PPFIBP2: variants seen among roughly 807,000 people sequenced by gnomAD.
PPFIBP2 encodes the protein PPFIB scaffold protein 2, also known as liprin-beta-2.
Under a neutral mutation model 118.3 loss-of-function variants are expected in PPFIBP2, and 118 were observed. That is an observed-to-expected ratio of 1.00 (90% CI 0.86 to 1.16). The LOEUF (loss-of-function observed/expected upper bound fraction) is 1.16, where lower values mean the gene tolerates loss of function less well. Among genes scored for constraint, PPFIBP2 ranks in the 50% most tolerant of loss-of-function variants. The pLI is 0.00. For missense variants in PPFIBP2, 1,195 were observed against 1,073.1 expected, an observed-to-expected ratio of 1.11 and a Z score of -1.59; for synonymous variants, 414 against 397.4, an observed-to-expected ratio of 1.04 and a Z score of -0.50.
chr11:7,596,644 A>G (rs766820422), intron 4 of PPFIBP2, among the ~76,000 whole-genome samples: 4 of 152,224 alleles, frequency 2.6e-5, no homozygotes, highest in Non-Finnish European at 5.9e-5. Context: ...CTGAGAAATA[A>G]TTCTGGATAA....
At chr11:7,562,929 TTATATATATATATATATATATATATA>T (rs60848890) in intron 2 of PPFIBP2, among the ~76,000 whole-genome samples, 7,600 of 86,538 alleles carry the variant, frequency 0.088, 429 homozygotes, top group African/African-American at 0.11. Flanking sequence ...AATTAAAGTT[TTATATATATATATATATATATATATA>T]TATATATATA....
chr11:7,577,312 T>C (rs1856489597), intron 3 of PPFIBP2: 1 of 273,468 alleles, frequency 3.7e-6, no homozygotes, highest in South Asian at 3.3e-5. Flanking sequence ...TGTGCGTGCA[T>C]GTATGTGCGT....
intron 7 of PPFIBP2, among the ~76,000 whole-genome samples, chr11:7,625,575 G>T (rs919927378): frequency 6.6e-6 from 1 of 152,324 alleles, no homozygotes; most frequent in East Asian, 1.9e-4. Context: ...GCCGTGGGGA[G>T]GGCCAGGATG....
At position 7,642,372 on chromosome 11, in the gene PPFIBP2, G is replaced by A. The variant is rs139861053; in HGVS notation, c.1592G>A (p.Arg531Gln). Residue 531 changes from arginine to glutamine, a missense_variant, in exon 17 of 24, where the codon CGG (arginine) becomes CAG (glutamine). Arg to Gln is a conservative substitution (Grantham distance 43). Coordinates refer to ENST00000299492, the MANE Select transcript of PPFIBP2 (RefSeq NM_003621.5). The part of the protein sequence containing the change: ...GMAEFRRGGL[R>Q]ATAGPRLSRT... ...GCAGAGTTTCGACGAGGTGGGCTCC[G>A]GGCAACCGCAGGGCCAAGACTCTCT... 57 of 1,613,920 alleles carry A rather than the reference G, an allele frequency of 3.5e-5. No individual in the cohort carries two copies. Among genetic ancestry groups the A allele is most frequent in the African/African-American group, 6.7e-5 (5 of 74,902 alleles).
chr11:7,653,515 A>G lies in PPFIBP2; in HGVS notation c.*297A>G. 2 of 1,366,982 alleles carry G rather than the reference A, an allele frequency of 1.5e-6. No homozygotes were observed. Among genetic ancestry groups the G allele is most frequent in the Non-Finnish European group, 1.9e-6 (2 of 1,039,554 alleles). The allele number at this position is 1,366,982 out of a possible 1,614,324, so 84.7% of individuals were successfully genotyped here. On this transcript the variant is annotated 3_prime_UTR_variant, in exon 24 of 24. Coordinates refer to ENST00000299492, the MANE Select transcript of PPFIBP2 (RefSeq NM_003621.5). The stretch of plus-strand genomic sequence containing the variant: ...GTTCATCTTCAGCACCAGTGGAAAC[A>G]CATGAACTTCGATGCAGGTCCAGAG...
intron 10 of PPFIBP2, among the ~76,000 whole-genome samples, chr11:7,630,657 C>T (rs1850631515): frequency 6.6e-6 from 1 of 152,068 alleles, no homozygotes; most frequent in Non-Finnish European, 1.5e-5. Context: ...CTCTCAGGGC[C>T]TTGATTGCCT....
intron 6 of PPFIBP2, among the ~76,000 whole-genome samples, chr11:7,620,630 C>A (rs1849234508): frequency 6.6e-6 from 1 of 152,182 alleles, no homozygotes; most frequent in African/African-American, 2.4e-5. Context: ...CGCCTGCCTG[C>A]CTATACTCAT....
intron 2 of PPFIBP2, among the ~76,000 whole-genome samples, chr11:7,563,179 C>G (rs1854540525): frequency 1.3e-5 from 2 of 152,002 alleles, no homozygotes; most frequent in Non-Finnish European, 2.9e-5. Flanking sequence ...ACCTTTTAGC[C>G]TGACTCACTC....
At chr11:7,635,936 G>A (rs1851392451) in intron 14 of PPFIBP2, among the ~76,000 whole-genome samples, 2 of 152,110 alleles carry the variant, frequency 1.3e-5, no homozygotes, top group African/African-American at 4.8e-5. Flanking sequence ...CATCCTTTCT[G>A]TGCTGATATG....
intron 6 of PPFIBP2, chr11:7,617,162 G>C: frequency 1.0e-6 from 1 of 985,372 alleles, no homozygotes; most frequent in African/African-American, 1.7e-5. Flanking sequence ...GTAGGCTGCA[G>C]CTGGACATCC....
chr11:7,655,267 C>A, downstream of PPFIBP2: 1 of 405,994 alleles, frequency 2.5e-6, no homozygotes, highest in African/African-American at 2.1e-5. Context: ...GCAGCATGTG[C>A]TCCACCCACC....
chr11:7,650,541 A>G (rs1417583124), intron 21 of PPFIBP2, among the ~76,000 whole-genome samples: 1 of 152,248 alleles, frequency 6.6e-6, no homozygotes, highest in Non-Finnish European at 1.5e-5. Context: ...TGAATCACTG[A>G]AAGAATAACT....
chr11:7,529,885 T>G (rs1032377527), intron 1 of PPFIBP2, among the ~76,000 whole-genome samples: 1 of 152,228 alleles, frequency 6.6e-6, no homozygotes, highest in African/African-American at 2.4e-5. Flanking sequence ...TGGAAGGCCC[T>G]GTGGCCCTAA....
intron 3 of PPFIBP2, among the ~76,000 whole-genome samples, chr11:7,586,515 A>T (rs1858221631): frequency 6.6e-6 from 1 of 152,202 alleles, no homozygotes; most frequent in African/African-American, 2.4e-5. Context: ...AGCACTCTGT[A>T]GTTTTAGTGC....
chr11:7,586,705 G>A (rs1384119812), intron 3 of PPFIBP2, among the ~76,000 whole-genome samples: 1 of 152,164 alleles, frequency 6.6e-6, no homozygotes, highest in African/African-American at 2.4e-5. Flanking sequence ...CAGAGAAGGT[G>A]GTCCCTTGGG....
rs764530507 is a variant in PPFIBP2 at position 7,565,625 on chromosome 11, A to G, written c.137A>G (p.Asn46Ser). ...PGLASPASYM[N>S]PFPVLHLIED... Reference sequence around the variant, plus strand: ...CTGGCTTCCCCGGCCTCCTACATGAACCCCTTCCCGGTGCTCCATCTCATC... The same window carrying G: ...CTGGCTTCCCCGGCCTCCTACATGAGCCCCTTCCCGGTGCTCCATCTCATC... Residue 46 changes from asparagine (N) to serine (S), a missense_variant, in exon 3 of 24, where the codon AAC (asparagine) becomes AGC (serine). By Grantham distance (46) the Asn-to-Ser change is conservative. Transcript: ENST00000299492. 5.6e-6 allele frequency: 9 copies of G among 1,613,892 alleles called. No homozygotes were observed. Among genetic ancestry groups the G allele is most frequent in the Non-Finnish European group, 7.6e-6 (9 of 1,179,970 alleles).
At chr11:7,664,870 G>A in the PPFIBP2 span, among the ~76,000 whole-genome samples, 4 of 149,934 alleles carry the variant, frequency 2.7e-5, no homozygotes, top group African/African-American at 9.8e-5. Flanking sequence ...GCAGTTTCTG[G>A]AACCTGACTT....
At chr11:7,549,685 A>C in intron 2 of PPFIBP2, 146 bp downstream of exon 2, 1 of 866,646 alleles carries the variant, frequency 1.2e-6, no homozygotes, top group Non-Finnish European at 1.7e-6. Flanking sequence ...TGTGTATGTA[A>C]TCTCTTTTTT....
chr11:7,524,181 G>A (rs1850018342), intron 1 of PPFIBP2, among the ~76,000 whole-genome samples: 2 of 151,972 alleles, frequency 1.3e-5, no homozygotes, highest in South Asian at 4.2e-4. Context: ...CAAGAGGTTT[G>A]TAATAGGGAC....
Sources: gnomAD v4.1 joint callset for allele counts (sites outside exome capture counted in the v4.1 genomes callset) on GRCh38, gnomAD v4.1.1 for gene constraint, MANE v1.5 for transcripts, NCBI Gene and HGNC (gene_info 2026-07-23, HGNC 2026-07-21) for gene names.